Variants in DIPK2B observed in about 807,000 individuals in gnomAD.
The protein encoded by DIPK2B is UPF0672 protein CXorf36.
In DIPK2B, 15 loss-of-function variants were observed where a neutral mutation model predicts 22.2. The observed-to-expected ratio is 0.68, with a 90% CI of 0.45 to 1.04. DIPK2B has a LOEUF of 1.04. DIPK2B is among the 50% of genes least tolerant of loss of function. The probability of loss-of-function intolerance (pLI) is 0.00; values close to 1 mark genes in which losing one functional copy is unlikely to be tolerated. For synonymous variants in DIPK2B, 163 were observed against 153.2 expected (o/e 1.06, Z -0.47); for missense variants, 345 against 348.3 (o/e 0.99, Z 0.08).
intron 1 of DIPK2B, among the ~76,000 whole-genome samples, chrX:45,192,428 C>T (rs1464990176): frequency 1.8e-5 from 2 of 110,799 alleles, no homozygotes; most frequent in African/African-American, 6.6e-5. Flanking sequence ...AATATGTTGC[C>T]AATCAGAGGT....
intron 2 of DIPK2B, among the ~76,000 whole-genome samples, chrX:45,161,094 G>A (rs757369308): frequency 8.9e-6 from 1 of 112,291 alleles, no homozygotes; most frequent in African/African-American, 3.2e-5. Context: ...GCTGGAATAT[G>A]GATGTGATGG....
At chrX:45,158,152 G>A (rs2047005453) in intron 2 of DIPK2B, among the ~76,000 whole-genome samples, 1 of 104,218 alleles carries the variant, frequency 9.6e-6, no homozygotes. Flanking sequence ...CGGGGGTGGG[G>A]TGGGAGGCCC....
intron 2 of DIPK2B, among the ~76,000 whole-genome samples, chrX:45,188,655 G>A (rs1045542581): frequency 8.9e-6 from 1 of 112,021 alleles, no homozygotes; most frequent in African/African-American, 3.2e-5. Flanking sequence ...ACATTCAGAA[G>A]ACTGTGCAAC....
chrX:45,162,305 T>C (rs191740750), intron 2 of DIPK2B: 286 of 661,948 alleles, frequency 4.3e-4, no homozygotes, highest in Non-Finnish European at 4.9e-4. Context: ...AATAAATGAT[T>C]GTTGTTTTAA....
chrX:45,179,382 A>G (rs1425582924), intron 2 of DIPK2B, among the ~76,000 whole-genome samples: 1 of 111,137 alleles, frequency 9.0e-6, no homozygotes, highest in Non-Finnish European at 1.9e-5. Flanking sequence ...CCCAATTAAA[A>G]ATTACCCCTA....
chrX:45,182,662 A>G (rs1298943100), intron 2 of DIPK2B, among the ~76,000 whole-genome samples: 1 of 113,446 alleles, frequency 8.8e-6, no homozygotes, highest in African/African-American at 3.2e-5. Context: ...ACAGTGTGAA[A>G]CCATCACAGA....
rs375770349 is a variant in DIPK2B at position 45,170,913 on chromosome X, G to C, written c.499-13025C>G. Among the ~76,000 whole-genome samples the C allele has an allele frequency of 1.2e-4, 14 of 112,239 alleles. No homozygotes were observed. In the South Asian group the frequency reaches 2.2e-3, roughly 18 times the overall value. On this transcript the variant is annotated intron_variant, in intron 2 of 4. Transcript: ENST00000398000. Reference sequence around the variant, plus strand: ...GCTTAGTTCTCACACTTCCATGAGAGCAGGTGCTGTGCTCGCCTGCAATGA... The same window carrying C: ...GCTTAGTTCTCACACTTCCATGAGACCAGGTGCTGTGCTCGCCTGCAATGA...
intron 3 of DIPK2B, 40 bp from the exon 4 acceptor site, chrX:45,154,238 G>A (rs777032321): frequency 8.4e-5 from 92 of 1,096,776 alleles, no homozygotes; most frequent in Non-Finnish European, 1.1e-4. Flanking sequence ...AGAAAAATCT[G>A]GTGACAGCTC....
chrX:45,189,764 T>G (rs1180194128), intron 2 of DIPK2B, among the ~76,000 whole-genome samples: 1 of 111,532 alleles, frequency 9.0e-6, no homozygotes, highest in Non-Finnish European at 1.9e-5. Flanking sequence ...ATAGAGAAGA[T>G]GGTGCCAAAA....
intron 4 of DIPK2B, among the ~76,000 whole-genome samples, chrX:45,152,834 G>C (rs1414621277): frequency 1.8e-5 from 2 of 111,502 alleles, no homozygotes; most frequent in African/African-American, 6.5e-5. Context: ...AGGGGGCTGA[G>C]GCAGGAGAAT....
intron 4 of DIPK2B, 134 bp downstream of exon 4, chrX:45,153,776 G>C (rs1569544201): frequency 2.0e-6 from 1 of 493,042 alleles, no homozygotes; most frequent in Non-Finnish European, 3.3e-6. Context: ...AATATTCTCC[G>C]AACTTGAGTG....
chrX:45,200,469 T>C lies in DIPK2B; in HGVS notation c.233+125A>G, dbSNP rs755609511. 1.8e-5 allele frequency: 12 copies of C among 675,733 alleles called. No individual in the cohort carries two copies. The Admixed American group carries it at 3.2e-4, about 18-fold the overall frequency. The allele number at this position is 675,733 out of a possible 1,213,427, so 55.7% of individuals were successfully genotyped here. A position where few individuals can be genotyped will look rare whatever the true frequency, so the allele number is the denominator to read the frequency against. On this transcript the variant is annotated intron_variant, in intron 1 of 4. Coordinates refer to ENST00000398000, the MANE Select transcript of DIPK2B (RefSeq NM_176819.4). Reference sequence around the variant, plus strand: ...CAACTTCAGACCATTACCACTCTGATTAAATGGATTTGTTTCAGCTCCCAC... The same window carrying C: ...CAACTTCAGACCATTACCACTCTGACTAAATGGATTTGTTTCAGCTCCCAC...
chrX:45,158,902 A>G (rs1213271412), intron 2 of DIPK2B, among the ~76,000 whole-genome samples: 1 of 112,146 alleles, frequency 8.9e-6, no homozygotes, highest in East Asian at 2.8e-4. Flanking sequence ...CAGCCAAGGA[A>G]TTGGAATGCA....
At chrX:45,168,637 T>C (rs2047061943) in intron 2 of DIPK2B, among the ~76,000 whole-genome samples, 2 of 112,323 alleles carry the variant, frequency 1.8e-5, no homozygotes, top group Non-Finnish European at 3.8e-5. Flanking sequence ...AGAAGTTCTG[T>C]TTCATTCCCT....
At chrX:45,194,862 G>A (rs1269843535) in intron 1 of DIPK2B, among the ~76,000 whole-genome samples, 1 of 112,172 alleles carries the variant, frequency 8.9e-6, no homozygotes, top group Non-Finnish European at 1.9e-5. Flanking sequence ...CCAGTTGGTG[G>A]GGGTGGTGTG....
intron 2 of DIPK2B, among the ~76,000 whole-genome samples, chrX:45,187,866 T>C (rs1289567384): frequency 9.0e-6 from 1 of 110,866 alleles, no homozygotes; most frequent in Non-Finnish European, 1.9e-5. Context: ...GTGGCATCTT[T>C]TTCTTCCCCT....
At chrX:45,173,350 T>C (rs2047094822) in intron 2 of DIPK2B, among the ~76,000 whole-genome samples, 1 of 110,223 alleles carries the variant, frequency 9.1e-6, no homozygotes, top group Non-Finnish European at 1.9e-5. Context: ...CAGGCTTGGG[T>C]AGGCAGCTTC....
chrX:45,156,385 C>A (rs2046996021), intron 3 of DIPK2B, among the ~76,000 whole-genome samples: 1 of 112,060 alleles, frequency 8.9e-6, no homozygotes, highest in Non-Finnish European at 1.9e-5. Flanking sequence ...CCTTCCTGGG[C>A]AGAGCCCAGG....
chrX:45,162,449 G>A, intron 2 of DIPK2B: 1 of 753,585 alleles, frequency 1.3e-6, no homozygotes, highest in Non-Finnish European at 1.6e-6. Context: ...CTCCCTTTAT[G>A]ATGGAGGCAG....
Sources: gnomAD v4.1 joint callset for allele counts (sites outside exome capture counted in the v4.1 genomes callset) on GRCh38, gnomAD v4.1.1 for gene constraint, MANE v1.5 for transcripts, NCBI Gene and HGNC (gene_info 2026-07-23, HGNC 2026-07-21) for gene names.